Variants in LSP1 observed in about 807,000 individuals in gnomAD.
The protein encoded by LSP1 is lymphocyte-specific protein 1.
In LSP1, 32 loss-of-function variants were observed where a neutral mutation model predicts 49.3. The ratio of observed to expected loss-of-function variants is 0.65; its 90% CI spans 0.49 to 0.87. The LOEUF (loss-of-function observed/expected upper bound fraction) is 0.87, where lower values mean the gene tolerates loss of function less well. Ranked by LOEUF, LSP1 falls within the 40% of genes least tolerant of loss-of-function variation. The probability of loss-of-function intolerance (pLI) is 0.00; values close to 1 mark genes in which losing one functional copy is unlikely to be tolerated. For missense variants in LSP1, 428 were observed against 442.6 expected (o/e 0.97, Z 0.30); for synonymous variants, 179 against 178.8 (o/e 1.00, Z -0.01).
intron 7 of LSP1, 110 bp from the exon 8 acceptor site, chr11:1,886,622 G>A (rs1032487254): frequency 1.7e-5 from 22 of 1,278,048 alleles, no homozygotes; most frequent in Non-Finnish European, 2.0e-5. Flanking sequence ...TTGGGAAAGC[G>A]CTCCCAGGGA....
At chr11:1,889,201 G>A in intron 10 of LSP1, 1 of 676,376 alleles carries the variant, frequency 1.5e-6, no homozygotes, top group Non-Finnish European at 2.7e-6. Context: ...TGGGGGCTCA[G>A]CTCCAGGATG....
chr11:1,865,712 G>A (rs73410956), intron 1 of LSP1, among the ~76,000 whole-genome samples: 5,348 of 150,108 alleles, frequency 0.036, 351 homozygotes, highest in African/African-American at 0.12. Flanking sequence ...ACCTCTCCCC[G>A]AGCCCCAGGG....
chr11:1,865,800 G>A (rs973965000), intron 1 of LSP1, among the ~76,000 whole-genome samples: 4 of 151,724 alleles, frequency 2.6e-5, no homozygotes, highest in South Asian at 4.2e-4. Context: ...GGGGTCCTTC[G>A]GATCCTGGGC....
chr11:1,885,164 A>G (rs1474997005), intron 7 of LSP1, among the ~76,000 whole-genome samples: 4 of 151,258 alleles, frequency 2.6e-5, no homozygotes, highest in African/African-American at 4.9e-5. Flanking sequence ...CCTCCCATCC[A>G]ATCAATTCTC....
intron 1 of LSP1, among the ~76,000 whole-genome samples, chr11:1,873,002 C>T (rs485055): frequency 0.96 from 145,522 of 151,836 alleles, 70,036 homozygotes; most frequent in East Asian, 1. Flanking sequence ...GAAGCAGGTT[C>T]GGATTGGGTG....
At chr11:1,857,955 C>G (rs1004023217) in intron 1 of LSP1, among the ~76,000 whole-genome samples, 1 of 152,144 alleles carries the variant, frequency 6.6e-6, no homozygotes, top group African/African-American at 2.4e-5. Context: ...AGGCTTTCAC[C>G]ATGTTGGCCA....
At position 1,871,862 on chromosome 11, in the gene LSP1, A is replaced by G. The variant is rs1212204874; in HGVS notation, c.54-8225A>G. On this transcript the variant is annotated intron_variant, in intron 1 of 10. Transcript: ENST00000311604. ...TGTGTGGCAGGCAGGCCTGGGCTGTAGTCACCCTGGCGCACGCTGGTAGAG... is the reference window on the plus strand; with the variant it reads ...TGTGTGGCAGGCAGGCCTGGGCTGTGGTCACCCTGGCGCACGCTGGTAGAG... Among the ~76,000 whole-genome samples, 4 of 140,116 alleles carry G rather than the reference A, an allele frequency of 2.9e-5. No homozygotes were observed. In the East Asian group the frequency reaches 6.5e-4, roughly 23 times the overall value. The allele number at this position is 140,116 out of a possible 152,430, so 91.9% of individuals were successfully genotyped here.
intron 3 of LSP1, among the ~76,000 whole-genome samples, chr11:1,882,041 C>A (rs1367539140): frequency 6.6e-6 from 1 of 152,138 alleles, no homozygotes; most frequent in Non-Finnish European, 1.5e-5. Context: ...TGGCTGATCT[C>A]CATTCCCACG....
chr11:1,871,719 G>A (rs1392668607), intron 1 of LSP1, among the ~76,000 whole-genome samples: 1 of 152,182 alleles, frequency 6.6e-6, no homozygotes, highest in African/African-American at 2.4e-5. Flanking sequence ...TCCGGCTGGC[G>A]TGGGCACCTT....
intron 1 of LSP1, chr11:1,868,552 G>T: frequency 1.5e-6 from 1 of 678,952 alleles, no homozygotes; most frequent in African/African-American, 1.9e-5. Context: ...GCAGCCTGCT[G>T]GGCTGGCCCT....
At chr11:1,883,280 G>T (rs1275673363) in intron 3 of LSP1, 139 bp from the exon 4 acceptor site, 4 of 1,047,592 alleles carry the variant, frequency 3.8e-6, no homozygotes, top group African/African-American at 3.2e-5. Flanking sequence ...CAATGGGCTT[G>T]GGTCTCAGAT....
intron 1 of LSP1, among the ~76,000 whole-genome samples, chr11:1,878,739 C>T (rs1332944027): frequency 1.3e-5 from 2 of 152,168 alleles, no homozygotes; most frequent in Admixed American, 6.5e-5. Flanking sequence ...GGGGAGACCC[C>T]AGCCCTGCTC....
intron 1 of LSP1, among the ~76,000 whole-genome samples, chr11:1,853,475 A>T (rs1847411588): frequency 1.3e-5 from 2 of 152,184 alleles, no homozygotes; most frequent in South Asian, 4.1e-4. Context: ...CCCATGGTGG[A>T]TGCCTGAAGC....
chr11:1,881,782 C>A (rs1384667065), intron 3 of LSP1, among the ~76,000 whole-genome samples, 186 bp downstream of exon 3: 3 of 152,160 alleles, frequency 2.0e-5, no homozygotes, highest in Non-Finnish European at 4.4e-5. Flanking sequence ...CCTCCCCTTT[C>A]CAAGCAGAGC....
chr11:1,866,655 C>T, intron 1 of LSP1: 1 of 1,550,538 alleles, frequency 6.4e-7, no homozygotes, highest in Non-Finnish European at 8.7e-7. Flanking sequence ...GACCTCCCTC[C>T]CTGCCCAACG....
At position 1,869,871 on chromosome 11, in the gene LSP1, A is replaced by C. The variant is rs143757475; in HGVS notation, c.54-10216A>C. On this transcript the variant is annotated intron_variant, in intron 1 of 10. Coordinates refer to ENST00000311604, the MANE Select transcript of LSP1 (RefSeq NM_002339.3). Reference sequence around the variant, plus strand: ...CCGGACTGGGACCCCCTGGGTCAGGACCCTCCACTCACATTCAGGAGCAGC... The same window carrying C: ...CCGGACTGGGACCCCCTGGGTCAGGCCCCTCCACTCACATTCAGGAGCAGC... 3.0e-3 allele frequency: 1,348 copies of C among 453,330 alleles called. 1 individual carries two copies. Among genetic ancestry groups the C allele is most frequent in the Non-Finnish European group, 4.3e-3 (942 of 218,534 alleles). The allele number at this position is 453,330 out of a possible 1,614,324, so 28.1% of individuals were successfully genotyped here. A position where few individuals can be genotyped will look rare whatever the true frequency, so the allele number is the denominator to read the frequency against.
Position 1,884,356 on chromosome 11 carries a change from C to G in LSP1, c.635+33C>G, listed in dbSNP as rs561718156. 6 of 1,613,856 alleles carry G rather than the reference C, an allele frequency of 3.7e-6. No individual in the cohort carries two copies. The highest frequency in any genetic ancestry group is 5.1e-6 in the Non-Finnish European group (6 of 1,179,862). ...TGTCTGTCTGTCTGCTTTCTGGGCT[C>G]AGATCTTAGGTTTAACCAAGTGGGG... On this transcript the variant is annotated intron_variant, in intron 6 of 10. Transcript: ENST00000311604. The surrounding 1 kb of genome is among the most constrained non-coding windows in gnomAD (Gnocchi z 4.1).
chr11:1,856,615 G>A (rs994727467), intron 1 of LSP1, among the ~76,000 whole-genome samples: 1 of 152,214 alleles, frequency 6.6e-6, no homozygotes, highest in African/African-American at 2.4e-5. Flanking sequence ...CTCTGGCAGG[G>A]TTCCTTCTGG....
chr11:1,864,819 C>T (rs1015121915), intron 1 of LSP1, among the ~76,000 whole-genome samples: 36 of 151,390 alleles, frequency 2.4e-4, no homozygotes, highest in Non-Finnish European at 7.4e-5. Context: ...ACCAGGCTGC[C>T]CACAGACCCC....
Sources: allele counts gnomAD v4.1 joint callset (sites outside exome capture counted in the v4.1 genomes callset), GRCh38; gene constraint gnomAD v4.1.1; non-coding constraint Gnocchi (gnomAD v3.1); transcripts MANE v1.5; gene names NCBI Gene and HGNC (gene_info 2026-07-23, HGNC 2026-07-21).